Variants in ULK4 observed in about 807,000 individuals in gnomAD.
ULK4 encodes unc-51 like kinase 4.
ULK4 carries 133 observed loss-of-function variants against 160.6 expected under a neutral mutation model. The ratio of observed to expected loss-of-function variants is 0.83; its 90% CI spans 0.72 to 0.96. The LOEUF is 0.96. Among genes scored for constraint, ULK4 ranks in the 40% least tolerant of loss-of-function variants. The probability of loss-of-function intolerance (pLI) is 0.00; values close to 1 mark genes in which losing one functional copy is unlikely to be tolerated. For synonymous variants in ULK4, 534 were observed against 539.8 expected, an observed-to-expected ratio of 0.99 and a Z score of 0.15; for missense variants, 1,580 against 1,499.5, an observed-to-expected ratio of 1.05 and a Z score of -0.89.
chr3:41,876,434 G>C (rs1198333930), intron 17 of ULK4, among the ~76,000 whole-genome samples: 3 of 152,142 alleles, frequency 2.0e-5, no homozygotes, highest in Non-Finnish European at 4.4e-5. Flanking sequence ...GTATTCATGA[G>C]AATACAGAGC....
chr3:41,679,638 G>A (rs1253283228), intron 29 of ULK4, among the ~76,000 whole-genome samples: 2 of 152,158 alleles, frequency 1.3e-5, no homozygotes, highest in Admixed American at 6.5e-5. Flanking sequence ...GCTCAAATGA[G>A]TAACACAGGA....
chr3:41,591,116 T>C (rs1330080989), intron 31 of ULK4, among the ~76,000 whole-genome samples: 5 of 151,834 alleles, frequency 3.3e-5, no homozygotes, highest in Admixed American at 6.6e-5. Context: ...AGATATTACA[T>C]AGAAAAGAAC....
intron 17 of ULK4, among the ~76,000 whole-genome samples, chr3:41,837,622 C>T (rs1166126669): frequency 1.3e-5 from 2 of 150,862 alleles, no homozygotes; most frequent in Non-Finnish European, 2.9e-5. Flanking sequence ...GGAATGCAGT[C>T]GCACGATCTC....
chr3:41,600,791 C>A (rs146733288), intron 31 of ULK4, among the ~76,000 whole-genome samples: 58 of 152,290 alleles, frequency 3.8e-4, no homozygotes, highest in African/African-American at 1.4e-3. Context: ...TTCTCTAACC[C>A]CAGAACTGGC....
chr3:41,717,769 A>G lies in ULK4; in HGVS notation c.2414T>C (p.Leu805Pro). ...CTCCTGCACAATGTGACAGATGAGAAGATCCAGGCATTTGGACAGGTATTC... is the reference window on the plus strand; with the variant it reads ...CTCCTGCACAATGTGACAGATGAGAGGATCCAGGCATTTGGACAGGTATTC... ...GNEYLSKCLD[L>P]LICHIVQELP... The change falls in exon 23 of 37, where the codon CTT becomes CCT. Residue 805 changes from leucine (L) to proline (P), a missense_variant. By Grantham distance (98) the Leu-to-Pro change is moderately conservative (BLOSUM62 -3). Coordinates refer to ENST00000301831, the MANE Select transcript of ULK4 (RefSeq NM_017886.4). 6.2e-7 allele frequency: 1 copy of G among 1,614,148 alleles called. No homozygotes were observed. The highest frequency in any genetic ancestry group is 8.5e-7 in the Non-Finnish European group (1 of 1,180,000).
intron 32 of ULK4, among the ~76,000 whole-genome samples, chr3:41,563,570 T>G (rs1445092586): frequency 6.6e-6 from 1 of 152,232 alleles, no homozygotes; most frequent in African/African-American, 2.4e-5. Flanking sequence ...TTTACTCTTT[T>G]TTCTCTAAAC....
At chr3:41,530,808 G>C (rs368259173) in intron 32 of ULK4, among the ~76,000 whole-genome samples, 3 of 152,100 alleles carry the variant, frequency 2.0e-5, no homozygotes, top group East Asian at 3.9e-4. Context: ...TCTGTTGCCA[G>C]GCTGGAGTGC....
intron 5 of ULK4, among the ~76,000 whole-genome samples, chr3:41,930,895 T>C (rs1054837613): frequency 1.3e-5 from 2 of 152,236 alleles, no homozygotes; most frequent in Non-Finnish European, 1.5e-5. Context: ...TTGGTGGGAA[T>C]GTAGATTGGT....
chr3:41,507,131 C>T (rs1484158600), intron 32 of ULK4, among the ~76,000 whole-genome samples: 31 of 39,540 alleles, frequency 7.8e-4, no homozygotes, highest in East Asian at 5.9e-3. Flanking sequence ...TTATAGATTC[C>T]GGCCAAAAAA....
chr3:41,858,689 G>C (rs1272619986), intron 17 of ULK4, among the ~76,000 whole-genome samples: 1 of 129,292 alleles, frequency 7.7e-6, no homozygotes, highest in Non-Finnish European at 1.6e-5. Flanking sequence ...TTTTTTTGTA[G>C]AGACAAGGTT....
intron 32 of ULK4, among the ~76,000 whole-genome samples, chr3:41,479,412 T>G (rs968446920): frequency 6.6e-6 from 1 of 152,214 alleles, no homozygotes; most frequent in African/African-American, 2.4e-5. Context: ...TATTGGAATA[T>G]GAACTGGATC....
intron 35 of ULK4, among the ~76,000 whole-genome samples, chr3:41,339,560 A>G (rs968121520): frequency 3.9e-5 from 6 of 152,030 alleles, no homozygotes; most frequent in African/African-American, 1.5e-4. Context: ...TCCTCAATAT[A>G]CAACTTATTC....
At chr3:41,657,824 A>AAAAAAAAAAAAAAAAAAAAAAAC (rs1221304960) in intron 30 of ULK4, among the ~76,000 whole-genome samples, 1 of 150,040 alleles carries the variant, frequency 6.7e-6, no homozygotes, top group African/African-American at 2.5e-5. Context: ...TCATTAAAAA[A>AAAAAAAAAAAAAAAAAAAAAAAC]AAAAAAAAAA....
At chr3:41,899,424 A>G (rs1698275357) in intron 13 of ULK4, among the ~76,000 whole-genome samples, 1 of 152,240 alleles carries the variant, frequency 6.6e-6, no homozygotes, top group Non-Finnish European at 1.5e-5. Flanking sequence ...AAAAATTTCT[A>G]CTGATTAAGG....
intron 32 of ULK4, among the ~76,000 whole-genome samples, chr3:41,514,630 A>G (rs529207143): frequency 6.6e-6 from 1 of 152,360 alleles, no homozygotes; most frequent in Admixed American, 6.5e-5. Flanking sequence ...TTTTGCAGCA[A>G]CATGAATGAA....
At chr3:41,642,109 G>A (rs1166089191) in intron 30 of ULK4, among the ~76,000 whole-genome samples, 2 of 152,014 alleles carry the variant, frequency 1.3e-5, no homozygotes, top group Non-Finnish European at 2.9e-5. Context: ...CCTGACCTCA[G>A]GTGATCCGCC....
intron 29 of ULK4, among the ~76,000 whole-genome samples, chr3:41,673,052 C>G (rs146517767): frequency 6.6e-6 from 1 of 151,972 alleles, no homozygotes; most frequent in African/African-American, 2.4e-5. Flanking sequence ...GTTCCCCAGG[C>G]TGGTCTCAAA....
At chr3:41,821,409 C>A (rs1012594381) in intron 18 of ULK4, among the ~76,000 whole-genome samples, 1 of 152,212 alleles carries the variant, frequency 6.6e-6, no homozygotes, top group East Asian at 1.9e-4. Context: ...GACGCTCCCA[C>A]CACTTCACCT....
intron 35 of ULK4, among the ~76,000 whole-genome samples, chr3:41,335,997 T>C (rs1206280303): frequency 2.0e-5 from 3 of 152,016 alleles, no homozygotes; most frequent in East Asian, 3.9e-4. Flanking sequence ...TTCTGAAAAA[T>C]ACAGGGATAT....
Sources: gnomAD v4.1 joint callset for allele counts (sites outside exome capture counted in the v4.1 genomes callset) on GRCh38, gnomAD v4.1.1 for gene constraint, MANE v1.5 for transcripts, NCBI Gene and HGNC (gene_info 2026-07-23, HGNC 2026-07-21) for gene names.